CPT1C: variants seen among roughly 807,000 people sequenced by gnomAD.
CPT1C encodes carnitine palmitoyltransferase 1C.
A neutral mutation model predicts 97.3 loss-of-function variants in CPT1C; 61 were observed. The ratio of observed to expected loss-of-function variants is 0.63; its 90% CI spans 0.51 to 0.78. The LOEUF (loss-of-function observed/expected upper bound fraction) is 0.78, where lower values mean the gene tolerates loss of function less well. Ranked by LOEUF, CPT1C falls within the 30% of genes least tolerant of loss-of-function variation. CPT1C has a pLI of 0.00. For synonymous variants in CPT1C, 469 were observed against 447.2 expected, an observed-to-expected ratio of 1.05 and a Z score of -0.61; for missense variants, 975 against 1,065.5, an observed-to-expected ratio of 0.92 and a Z score of 1.18.
At chr19:49,708,373 A>C (rs2083639692) in intron 13 of CPT1C, among the ~76,000 whole-genome samples, 1 of 152,058 alleles carries the variant, frequency 6.6e-6, no homozygotes, top group African/African-American at 2.4e-5. Flanking sequence ...ATGGTGGTAC[A>C]TGCCTGTGGC....
In CPT1C at chr19:49,713,010, G is replaced by A. The variant is rs1281497770; in HGVS notation, c.2172G>A (p.Met724Ile). ...DHGYGVSYIF[M>I]GDGMITFHIS... ...GTTATGGTGTTTCTTATATCTTCATGGGGGATGGCATGATCACCTTCCACA... is the reference window on the plus strand; with the variant it reads ...GTTATGGTGTTTCTTATATCTTCATAGGGGATGGCATGATCACCTTCCACA... Residue 724 changes from methionine (M) to isoleucine (I), a missense_variant, in exon 19 of 20, where the codon ATG becomes ATA. This residue lies in a region of CPT1C where 344 missense variants were observed against 395.7 expected (regional missense o/e 0.87). Transcript: ENST00000598293. 8 of 1,613,926 alleles carry A rather than the reference G, an allele frequency of 5.0e-6. No individual in the cohort carries two copies. In the Admixed American group the frequency reaches 1.3e-4, roughly 27 times the overall value.
intron 12 of CPT1C, among the ~76,000 whole-genome samples, chr19:49,707,087 C>T (rs2083542647): frequency 6.6e-6 from 1 of 151,972 alleles, no homozygotes; most frequent in African/African-American, 2.4e-5. Flanking sequence ...CCAGCCTGGC[C>T]AATATGGTGA....
At chr19:49,710,552 C>A (rs2083800039) in intron 15 of CPT1C, 68 bp downstream of exon 15, 5 of 1,592,518 alleles carry the variant, frequency 3.1e-6, no homozygotes, top group Non-Finnish European at 8.6e-7. Flanking sequence ...AGACCTGCCC[C>A]TCCACGGTTC....
At chr19:49,712,943 T>C (rs759572882) in intron 18 of CPT1C, 29 bp from the exon 19 acceptor site, 1 of 1,606,156 alleles carries the variant, frequency 6.2e-7, no homozygotes, top group Non-Finnish European at 8.5e-7. Flanking sequence ...CCGGAGCTAT[T>C]TTCTTCCCTT....
chr19:49,704,398 C>T (rs2123389683), intron 7 of CPT1C, among the ~76,000 whole-genome samples: 1 of 152,318 alleles, frequency 6.6e-6, no homozygotes, highest in South Asian at 2.1e-4. Flanking sequence ...TCTTGAACAC[C>T]TGACCTCAGG....
chr19:49,692,651 C>A (rs2082420327), intron 3 of CPT1C, among the ~76,000 whole-genome samples: 1 of 152,194 alleles, frequency 6.6e-6, no homozygotes, highest in African/African-American at 2.4e-5. Context: ...CAAAAACTAC[C>A]CACTTCCAGT....
chr19:49,707,449 C>A, intron 12 of CPT1C, 69 bp from the exon 13 acceptor site: 1 of 1,103,680 alleles, frequency 9.1e-7, no homozygotes, highest in South Asian at 1.3e-5. Context: ...CCCCTCAAGT[C>A]CCACAGAAAG....
chr19:49,711,650 T>G, intron 16 of CPT1C, 159 bp from the exon 17 acceptor site: 1 of 761,036 alleles, frequency 1.3e-6, no homozygotes, highest in Non-Finnish European at 2.1e-6. Flanking sequence ...GCCAAATGAT[T>G]TCCCCTCTCT....
chr19:49,705,197 C>T lies in CPT1C; in HGVS notation c.880-17C>T, dbSNP rs1417181676. The T allele has an allele frequency of 3.7e-6, 6 of 1,613,930 alleles. No individual in the cohort carries two copies. The highest frequency in any genetic ancestry group is 5.1e-6 in the Non-Finnish European group (6 of 1,179,948). ...GTGGGTCCTGGAAGGCAGCTCACAG[C>T]CCACGGTTTCCTGCAGACTTTGCTG... On this transcript the variant is annotated splice_polypyrimidine_tract_variant and intron_variant, in intron 9 of 19. Transcript: ENST00000598293.
At chr19:49,700,504 G>A (rs1163371409) in intron 4 of CPT1C, among the ~76,000 whole-genome samples, 180 bp from the exon 5 acceptor site, 1 of 152,190 alleles carries the variant, frequency 6.6e-6, no homozygotes, top group Non-Finnish European at 1.5e-5. Context: ...TTGGAAGCTT[G>A]GTGCTGCCAC....
In CPT1C at chr19:49,710,983, C is replaced by T. The variant is rs557456723; in HGVS notation, c.1866+126C>T. 1.6e-5 allele frequency: 16 copies of T among 1,006,314 alleles called. No homozygotes were observed. The South Asian group carries it at 2.4e-4, about 15-fold the overall frequency. 62.3% of individuals were successfully genotyped at this position (1,006,314 alleles called of 1,614,324 possible). A position where few individuals can be genotyped will look rare whatever the true frequency, so the allele number is the denominator to read the frequency against. ...CACAAGGGACAAGGGATGAATCGGACCTGGCCTCTGACTTCAAAGAGCTCA... is the reference window on the plus strand; with the variant it reads ...CACAAGGGACAAGGGATGAATCGGATCTGGCCTCTGACTTCAAAGAGCTCA... On this transcript the variant is annotated intron_variant, in intron 16 of 19. Coordinates refer to ENST00000598293, the MANE Select transcript of CPT1C (RefSeq NM_001199753.2).
Position 49,704,703 on chromosome 19 carries a change from C to G in CPT1C, c.694-7C>G, listed in dbSNP as rs762953553. 3.1e-6 allele frequency: 5 copies of G among 1,613,604 alleles called. No individual in the cohort carries two copies. Among genetic ancestry groups the G allele is most frequent in the African/African-American group, 2.7e-5 (2 of 75,018 alleles). On this transcript the variant is annotated splice_region_variant and splice_polypyrimidine_tract_variant and intron_variant, in intron 7 of 19. Coordinates refer to ENST00000598293, the MANE Select transcript of CPT1C (RefSeq NM_001199753.2). ...CCTCACTGTGTGTCTCCCCACCCCG[C>G]TCCCAGGTCAGTGACTGGTGGGAGG...
At chr19:49,708,898 A>G in intron 14 of CPT1C, 59 bp downstream of exon 14, 1 of 1,085,998 alleles carries the variant, frequency 9.2e-7, no homozygotes, top group Non-Finnish European at 1.4e-6. Flanking sequence ...CTTGACTTCA[A>G]ACTCATCCCC....
chr19:49,711,766 CTTCCTGTCT>C, intron 16 of CPT1C, 34 bp from the exon 17 acceptor site: 1 of 1,572,072 alleles, frequency 6.4e-7, no homozygotes, highest in Non-Finnish European at 8.6e-7. Context: ...CCTAAGTCGA[CTTCCTGTCT>C]TTCCATGACC....
rs555329007 is a variant in CPT1C at position 49,709,749 on chromosome 19, T to G, written c.1567-571T>G. On this transcript the variant is annotated intron_variant, in intron 14 of 19. Transcript: ENST00000598293. ...TTTTTTATTTTTAATAGAGATGAGGTTTTTCCATGTTGGCCAGGCTGGTCT... is the reference window on the plus strand; with the variant it reads ...TTTTTTATTTTTAATAGAGATGAGGGTTTTCCATGTTGGCCAGGCTGGTCT... Among the ~76,000 whole-genome samples, 5 of 151,308 alleles carry G rather than the reference T, an allele frequency of 3.3e-5. No homozygotes were observed. The South Asian group carries it at 8.4e-4, about 25-fold the overall frequency.
intron 14 of CPT1C, among the ~76,000 whole-genome samples, chr19:49,709,195 A>G (rs960225360): frequency 6.7e-6 from 1 of 149,638 alleles, no homozygotes; most frequent in African/African-American, 2.5e-5. Context: ...TCCCAACACC[A>G]CCTGAATTCA....
In CPT1C at chr19:49,706,913, G is replaced by T. The variant is rs1036315892; in HGVS notation, c.1343+500G>T. ...GGCATCACTGAATTCCTAGGCCCCA[G>T]GGGGGTCCCGCTGACCTCCCAGCAC... On this transcript the variant is annotated intron_variant, in intron 12 of 19. Coordinates refer to ENST00000598293, the MANE Select transcript of CPT1C (RefSeq NM_001199753.2). The surrounding 1 kb of genome is among the most constrained non-coding windows in gnomAD (Gnocchi z 4.8). Among the ~76,000 whole-genome samples, 1 of 152,134 alleles carries T rather than the reference G, an allele frequency of 6.6e-6. No homozygotes were observed. Among genetic ancestry groups the T allele is most frequent in the Non-Finnish European group, 1.5e-5 (1 of 68,016 alleles).
At chr19:49,708,626 C>T (rs988082626) in intron 13 of CPT1C, 97 bp from the exon 14 acceptor site, 2 of 849,280 alleles carry the variant, frequency 2.4e-6, no homozygotes, top group Non-Finnish European at 4.1e-6. Flanking sequence ...AGGGACTGCC[C>T]CCTACCCGAA....
rs2048120529 is a variant in CPT1C at position 49,713,577 on chromosome 19, A to G, written c.2384A>G (p.Lys795Arg). 2 of 1,613,060 alleles carry G rather than the reference A, an allele frequency of 1.2e-6. No individual in the cohort carries two copies. The highest frequency in any genetic ancestry group is 1.7e-6 in the Non-Finnish European group (2 of 1,179,542). The change falls in exon 20 of 20, where the codon AAG (lysine) becomes AGG (arginine). Residue 795 changes from lysine to arginine, a missense_variant. Coordinates refer to ENST00000598293, the MANE Select transcript of CPT1C (RefSeq NM_001199753.2). ...GFLSRQTGAS[K>R]ASMTSTDF ...CTCTCCCGCCAGACTGGGGCCTCCA[A>G]GGCCTCAATGACATCCACCGACTTC...
Sources: gnomAD v4.1 joint callset for allele counts (sites outside exome capture counted in the v4.1 genomes callset) on GRCh38, gnomAD v4.1.1 for gene constraint, gnomAD v4.1.1 regional missense constraint, Gnocchi (gnomAD v3.1) non-coding constraint, MANE v1.5 for transcripts, NCBI Gene and HGNC (gene_info 2026-07-23, HGNC 2026-07-21) for gene names.